The following P2RX4 variants were observed in gnomAD, a reference collection of about 807,000 sequenced individuals.
P2RX4 encodes the protein P2X purinoceptor 4.
P2RX4 carries 37 observed loss-of-function variants against 48.0 expected under a neutral mutation model. That is an observed-to-expected ratio of 0.77 (90% CI 0.59 to 1.01). The LOEUF is 1.01. P2RX4 is among the 50% of genes least tolerant of loss of function. P2RX4 has a pLI of 0.00. For synonymous variants in P2RX4, 200 were observed against 199.7 expected (o/e 1.00, Z -0.01); for missense variants, 501 against 521.4 (o/e 0.96, Z 0.38).
Position 121,228,953 on chromosome 12 carries a change from T to C in P2RX4, c.748-10T>C. 1 of 1,614,080 alleles carries C rather than the reference T, an allele frequency of 6.2e-7. No homozygotes were observed. Among genetic ancestry groups the C allele is most frequent in the Non-Finnish European group, 8.5e-7 (1 of 1,180,008 alleles). ...GAAAGCCTTGCCGTGTCTCTGCTGC[T>C]CATCCCCAGGGAGGCATCATGGGCA... is the stretch of plus-strand genomic sequence containing the variant. On this transcript the variant is annotated splice_polypyrimidine_tract_variant and intron_variant, in intron 7 of 11. Coordinates refer to ENST00000337233, the MANE Select transcript of P2RX4 (RefSeq NM_002560.3).
chr12:121,225,396 A>T (rs892384302), intron 5 of P2RX4, among the ~76,000 whole-genome samples: 31 of 149,068 alleles, frequency 2.1e-4, no homozygotes, highest in Admixed American at 1.3e-3. Context: ...TTATTTATTT[A>T]TTTTTTATTT....
intron 1 of P2RX4, 69 bp downstream of exon 1, chr12:121,210,367 C>T: frequency 7.3e-7 from 1 of 1,366,208 alleles, no homozygotes; most frequent in East Asian, 3.1e-5. Context: ...GGCGGCTCAT[C>T]CTGGCCTCGG....
Position 121,212,822 on chromosome 12 carries a change from A to ATTTTTTTTT in P2RX4, c.134+2525_134+2526insTTTTTTTTT, listed in dbSNP as rs1358375217. ...TATATATATATATATATATATATAT[A>ATTTTTTTTT]TATTTTTTTTTTTTTTTTGGAGACT... On this transcript the variant is annotated intron_variant, in intron 1 of 11. Transcript: ENST00000337233. The ATTTTTTTTT allele has an allele frequency of 6.3e-4, 27 of 42,802 alleles. 1 individual carries two copies. The South Asian group carries it at 6.9e-3, about 11-fold the overall frequency. 2.7% of individuals were successfully genotyped at this position (42,802 alleles called of 1,614,324 possible).
intron 2 of P2RX4, among the ~76,000 whole-genome samples, chr12:121,217,773 A>G (rs910829250): frequency 5.3e-5 from 8 of 151,164 alleles, no homozygotes; most frequent in Admixed American, 1.3e-4. Context: ...AAAAAAAAAA[A>G]AAAAGAAAAA....
At position 121,229,324 on chromosome 12, in the gene P2RX4, C is replaced by T. The variant is rs1198655505; in HGVS notation, c.884+225C>T. On this transcript the variant is annotated intron_variant, in intron 8 of 11. Transcript: ENST00000337233. This position sits in a 1 kb window ranked among gnomAD's most constrained non-coding sequence, Gnocchi z 4.6. The stretch of plus-strand genomic sequence containing the variant: ...GAGACCCCTCCTTGCCCTTTCCTGC[C>T]GCAAGAAACATGTTGAGATGGTTCT... 1.3e-5 allele frequency among the ~76,000 whole-genome samples: 2 copies of T among 152,146 alleles called. No individual in the cohort carries two copies. Among genetic ancestry groups the T allele is most frequent in the Non-Finnish European group, 2.9e-5 (2 of 68,020 alleles).
In P2RX4 at chr12:121,232,829, C is replaced by T. The variant is rs1887457650; in HGVS notation, c.1044+153C>T. On this transcript the variant is annotated intron_variant, in intron 10 of 11. Coordinates refer to ENST00000337233, the MANE Select transcript of P2RX4 (RefSeq NM_002560.3). This position sits in a 1 kb window ranked among gnomAD's most constrained non-coding sequence, Gnocchi z 4.3. ...TGGCCCCCAGCCCTCCTCCCACCTT[C>T]CCTTCTCCAAGACCACCCCCCTCAG... is the stretch of plus-strand genomic sequence containing the variant. 4 of 871,000 alleles carry T rather than the reference C, an allele frequency of 4.6e-6. No homozygotes were observed. The highest frequency in any genetic ancestry group is 5.8e-6 in the Non-Finnish European group (3 of 517,338). 54.0% of individuals were successfully genotyped at this position (871,000 alleles called of 1,614,324 possible).
At chr12:121,230,491 G>C (rs929269889) in intron 8 of P2RX4, among the ~76,000 whole-genome samples, 1 of 152,158 alleles carries the variant, frequency 6.6e-6, no homozygotes, top group African/African-American at 2.4e-5. Context: ...CGATCCATAC[G>C]GGATCCTAAG....
At chr12:121,220,296 C>G (rs1886514388) in intron 2 of P2RX4, among the ~76,000 whole-genome samples, 1 of 149,702 alleles carries the variant, frequency 6.7e-6, no homozygotes, top group Non-Finnish European at 1.5e-5. Flanking sequence ...TTTCAGTTTG[C>G]AGACCCCCCC....
At chr12:121,222,800 C>G (rs1886726427) in intron 4 of P2RX4, 147 bp from the exon 5 acceptor site, 1 of 1,531,822 alleles carries the variant, frequency 6.5e-7, no homozygotes, top group African/African-American at 1.4e-5. Flanking sequence ...AACTCCTGGA[C>G]AGTGACACTG....
At chr12:121,212,816 A>ATTTT (rs1266371217) in intron 1 of P2RX4, 3 of 32,756 alleles carry the variant, frequency 9.2e-5, no homozygotes, top group African/African-American at 4.3e-4. Context: ...ATATATATAT[A>ATTTT]TATATATATT....
chr12:121,233,745 G>A lies in P2RX4; in HGVS notation c.*196G>A. 1 of 1,361,656 alleles carries A rather than the reference G, an allele frequency of 7.3e-7. No homozygotes were observed. The highest frequency in any genetic ancestry group is 9.8e-7 in the Non-Finnish European group (1 of 1,017,026). The allele number at this position is 1,361,656 out of a possible 1,614,324, so 84.3% of individuals were successfully genotyped here. A position where few individuals can be genotyped will look rare whatever the true frequency, so the allele number is the denominator to read the frequency against. On this transcript the variant is annotated 3_prime_UTR_variant, in exon 12 of 12. Coordinates refer to ENST00000337233, the MANE Select transcript of P2RX4 (RefSeq NM_002560.3). Reference sequence around the variant, plus strand: ...TTTGCCCACTCGGCCCAGGAGGTCAGCAGTCTGTTCTTGGCTGGGTCAACT... The same window carrying A: ...TTTGCCCACTCGGCCCAGGAGGTCAACAGTCTGTTCTTGGCTGGGTCAACT...
rs1408735969 is a variant in P2RX4 at position 121,225,096 on chromosome 12, G to T, written c.524+2053G>T. ...GATTTTTTTTTTTTTTTTTTGAGACGAAGTCTCGCTCTGTCGCCCAGGCTG... is the reference window on the plus strand; with the variant it reads ...GATTTTTTTTTTTTTTTTTTGAGACTAAGTCTCGCTCTGTCGCCCAGGCTG... On this transcript the variant is annotated intron_variant, in intron 5 of 11. Coordinates refer to ENST00000337233, the MANE Select transcript of P2RX4 (RefSeq NM_002560.3). Among the ~76,000 whole-genome samples, 4 of 145,008 alleles carry T rather than the reference G, an allele frequency of 2.8e-5. No individual in the cohort carries two copies. The South Asian group carries it at 8.7e-4, about 32-fold the overall frequency.
intron 4 of P2RX4, 199 bp downstream of exon 4, chr12:121,222,365 T>TG: frequency 5.9e-6 from 2 of 339,336 alleles, no homozygotes; most frequent in Non-Finnish European, 1.0e-5. Context: ...TGCCCTACTG[T>TG]TTTTTTTTTT....
At chr12:121,225,472 G>A (rs755774959) in intron 5 of P2RX4, among the ~76,000 whole-genome samples, 42 of 151,822 alleles carry the variant, frequency 2.8e-4, no homozygotes, top group Non-Finnish European at 5.3e-4. Flanking sequence ...GTGCAGTGGC[G>A]CCATCTCTGT....
At chr12:121,226,048 T>C (rs896290345) in intron 5 of P2RX4, among the ~76,000 whole-genome samples, 22 of 151,822 alleles carry the variant, frequency 1.4e-4, no homozygotes, top group Non-Finnish European at 2.4e-4. Context: ...AGCCAACTTA[T>C]TTTTTGTAGA....
At chr12:121,228,913 G>C (rs776865068) in intron 7 of P2RX4, 47 bp downstream of exon 7, 2 of 1,613,948 alleles carry the variant, frequency 1.2e-6, no homozygotes, top group Admixed American at 3.3e-5. Flanking sequence ...GAGGCGTCTC[G>C]TGCCAGGTGC....
Position 121,232,811 on chromosome 12 carries a change from C to A in P2RX4, c.1044+135C>A. The A allele has an allele frequency of 1.1e-6, 1 of 908,178 alleles. No homozygotes were observed. Among genetic ancestry groups the A allele is most frequent in the Non-Finnish European group, 1.8e-6 (1 of 551,798 alleles). The allele number at this position is 908,178 out of a possible 1,614,324, so 56.3% of individuals were successfully genotyped here. ...CTCCTACCTTCTTTCCCTTGGCCCC[C>A]AGCCCTCCTCCCACCTTCCCTTCTC... On this transcript the variant is annotated intron_variant, in intron 10 of 11. Coordinates refer to ENST00000337233, the MANE Select transcript of P2RX4 (RefSeq NM_002560.3). This position sits in a 1 kb window ranked among gnomAD's most constrained non-coding sequence, Gnocchi z 4.3.
intron 4 of P2RX4, 45 bp downstream of exon 4, chr12:121,222,211 C>A: frequency 7.7e-7 from 1 of 1,299,768 alleles, no homozygotes; most frequent in African/African-American, 1.4e-5. Context: ...CTGAGCAGAT[C>A]GCCCCCACTG....
intron 5 of P2RX4, among the ~76,000 whole-genome samples, chr12:121,225,594 G>T (rs1466631519): frequency 1.3e-5 from 2 of 151,732 alleles, no homozygotes; most frequent in Admixed American, 1.3e-4. Context: ...TGTATTTTTA[G>T]TAGAGAGGGG....
Sources: allele counts gnomAD v4.1 joint callset (sites outside exome capture counted in the v4.1 genomes callset), GRCh38; gene constraint gnomAD v4.1.1; non-coding constraint Gnocchi (gnomAD v3.1); transcripts MANE v1.5; gene names NCBI Gene and HGNC (gene_info 2026-07-23, HGNC 2026-07-21).